The following LPIN1 variants were observed in gnomAD, a reference collection of about 807,000 sequenced individuals.
The protein encoded by LPIN1 is phosphatidate phosphatase LPIN1.
A neutral mutation model predicts 107.5 loss-of-function variants in LPIN1; 71 were observed. The observed-to-expected ratio is 0.66, with a 90% CI of 0.55 to 0.80. The LOEUF (loss-of-function observed/expected upper bound fraction) is 0.80. Ranked by LOEUF, LPIN1 falls within the 30% of genes least tolerant of loss-of-function variation. LPIN1 has a pLI of 0.00. For synonymous variants in LPIN1, 445 were observed against 452.6 expected (o/e 0.98, Z 0.21); for missense variants, 1,043 against 1,160.6 (o/e 0.90, Z 1.47).
At chr2:11,810,735 CTGA>C (rs1679504147) in intron 17 of LPIN1, among the ~76,000 whole-genome samples, 1 of 152,196 alleles carries the variant, frequency 6.6e-6, no homozygotes, top group Admixed American at 6.5e-5. Context: ...TGCCGCATAT[CTGA>C]TGAGGTGGCA....
intron 1 of LPIN1, among the ~76,000 whole-genome samples, chr2:11,732,277 C>G (rs1665311804): frequency 6.6e-6 from 1 of 152,156 alleles, no homozygotes; most frequent in South Asian, 2.1e-4. Flanking sequence ...ATATTTATAA[C>G]AGAAAGAAAT....
intron 7 of LPIN1, among the ~76,000 whole-genome samples, chr2:11,780,845 C>T (rs1673464927): frequency 6.6e-6 from 1 of 152,192 alleles, no homozygotes; most frequent in South Asian, 2.1e-4. Context: ...TGCATTCTTT[C>T]TCCTTGGCTG....
chr2:11,806,837 C>T (rs1678773059), intron 17 of LPIN1, among the ~76,000 whole-genome samples: 2 of 152,200 alleles, frequency 1.3e-5, no homozygotes, highest in Non-Finnish European at 2.9e-5. Flanking sequence ...CAGTTTGGTT[C>T]TATCTTGCTG....
chr2:11,760,768 T>C (rs1443696581), intron 1 of LPIN1, among the ~76,000 whole-genome samples: 1 of 152,118 alleles, frequency 6.6e-6, no homozygotes, highest in African/African-American at 2.4e-5. Context: ...GCTTTCTTTT[T>C]CTTGTGAGTA....
intron 14 of LPIN1, among the ~76,000 whole-genome samples, chr2:11,796,388 C>G (rs1676719457): frequency 2.0e-5 from 3 of 152,230 alleles, no homozygotes; most frequent in African/African-American, 7.2e-5. Flanking sequence ...GGCCATGGCT[C>G]TGTGTCTTAA....
chr2:11,810,779 C>G (rs1679512190), intron 17 of LPIN1, among the ~76,000 whole-genome samples: 1 of 152,186 alleles, frequency 6.6e-6, no homozygotes, highest in Admixed American at 6.5e-5. Flanking sequence ...AACAGACACT[C>G]CTCCAATCTC....
At chr2:11,802,700 G>GCC (rs1219066706) in intron 14 of LPIN1, among the ~76,000 whole-genome samples, 1 of 152,218 alleles carries the variant, frequency 6.6e-6, no homozygotes, top group East Asian at 1.9e-4. Context: ...AGGAGAGGCA[G>GCC]CCCCCACACG....
At chr2:11,750,994 C>T (rs764649170) in intron 1 of LPIN1, among the ~76,000 whole-genome samples, 2 of 152,228 alleles carry the variant, frequency 1.3e-5, no homozygotes, top group Non-Finnish European at 1.5e-5. Flanking sequence ...AGGAAAAGAA[C>T]GTCCTGTCCT....
At chr2:11,794,947 G>A (rs1676408723) in intron 13 of LPIN1, among the ~76,000 whole-genome samples, 1 of 152,088 alleles carries the variant, frequency 6.6e-6, no homozygotes, top group Admixed American at 6.5e-5. Flanking sequence ...CACCAACAGA[G>A]GATTTTCTAT....
intron 6 of LPIN1, among the ~76,000 whole-genome samples, chr2:11,776,797 C>A (rs749122140): frequency 2.2e-4 from 34 of 152,174 alleles, no homozygotes; most frequent in Non-Finnish European, 4.3e-4. Flanking sequence ...CCTTCATTCC[C>A]TCAGTTTTGA....
intron 1 of LPIN1, among the ~76,000 whole-genome samples, chr2:11,756,983 A>C (rs1668783383): frequency 6.6e-6 from 1 of 152,252 alleles, no homozygotes; most frequent in African/African-American, 2.4e-5. Flanking sequence ...CTGAAAATCC[A>C]CAGTTAGAGA....
intron 5 of LPIN1, 61 bp from the exon 6 acceptor site, chr2:11,776,025 T>C: frequency 1.3e-6 from 1 of 769,178 alleles, no homozygotes; most frequent in Non-Finnish European, 2.2e-6. Context: ...ATAATCTCAC[T>C]TGATGTAATT....
rs370787873 is a variant in LPIN1 at position 11,797,303 on chromosome 2, G to A, written c.1886+1816G>A. Among the ~76,000 whole-genome samples the A allele has an allele frequency of 2.2e-4, 34 of 152,332 alleles. 1 individual carries two copies. The highest frequency in any genetic ancestry group is 7.9e-4 in the African/African-American group (33 of 41,574). Reference sequence around the variant, plus strand: ...GTGAAATGGGGTTAAGAATAACACCGATGCGGTAGACCCCGTCTCACTGGG... The same window carrying A: ...GTGAAATGGGGTTAAGAATAACACCAATGCGGTAGACCCCGTCTCACTGGG... On this transcript the variant is annotated intron_variant, in intron 14 of 20. Coordinates refer to ENST00000674199, the MANE Select transcript of LPIN1 (RefSeq NM_001349206.2).
chr2:11,727,064 A>G (rs549959270), intron 1 of LPIN1, among the ~76,000 whole-genome samples: 2 of 152,312 alleles, frequency 1.3e-5, no homozygotes, highest in East Asian at 1.9e-4. Flanking sequence ...CAGGTTTTCT[A>G]CTGTAATTTC....
chr2:11,749,168 C>T (rs146302702), intron 1 of LPIN1, among the ~76,000 whole-genome samples: 71 of 152,276 alleles, frequency 4.7e-4, no homozygotes, highest in African/African-American at 1.6e-3. Context: ...CAAGCAAAGC[C>T]GTTCAGTGAC....
At chr2:11,677,717 G>A in exon 1 of LPIN1, 1 of 1,535,744 alleles carries the variant, frequency 6.5e-7, no homozygotes, top group African/African-American at 1.4e-5. Context: ...CCCAGACTCG[G>A]CTTGGTCATG....
chr2:11,746,357 G>C (rs1196258865), upstream of LPIN1, among the ~76,000 whole-genome samples: 2 of 152,190 alleles, frequency 1.3e-5, no homozygotes, highest in African/African-American at 2.4e-5. Flanking sequence ...CCCAGTCATC[G>C]GCATAGGTCA....
chr2:11,821,505 A>G (rs1274949582), intron 20 of LPIN1, among the ~76,000 whole-genome samples: 5 of 152,116 alleles, frequency 3.3e-5, no homozygotes, highest in Non-Finnish European at 7.4e-5. Context: ...CGACAGAGCT[A>G]GACTCTGTCT....
intron 18 of LPIN1, chr2:11,819,259 T>TA: frequency 3.7e-6 from 2 of 540,276 alleles, no homozygotes; most frequent in Non-Finnish European, 6.6e-6. Flanking sequence ...GGATAACCCT[T>TA]GGTGAAATGG....
Sources: gnomAD v4.1 joint callset for allele counts (sites outside exome capture counted in the v4.1 genomes callset) on GRCh38, gnomAD v4.1.1 for gene constraint, MANE v1.5 for transcripts, NCBI Gene and HGNC (gene_info 2026-07-23, HGNC 2026-07-21) for gene names.